TNRC18: variants seen among roughly 807,000 people sequenced by gnomAD.
TNRC18 encodes the protein trinucleotide repeat-containing gene 18 protein.
TNRC18 carries 69 observed loss-of-function variants against 226.7 expected under a neutral mutation model. That is an observed-to-expected ratio of 0.30 (90% CI 0.25 to 0.37). TNRC18 has a LOEUF of 0.37. TNRC18 is among the 10% of genes least tolerant of loss of function. The pLI, the probability that TNRC18 is intolerant of heterozygous loss-of-function variation, is 1.00. For synonymous variants in TNRC18, 2,449 were observed against 1,927.6 expected, an observed-to-expected ratio of 1.27 and a Z score of -7.09; for missense variants, 4,754 against 4,256.6, an observed-to-expected ratio of 1.12 and a Z score of -3.25.
chr7:5,338,687 A>G (rs192441421), intron 18 of TNRC18, among the ~76,000 whole-genome samples: 1 of 151,400 alleles, frequency 6.6e-6, no homozygotes, highest in Non-Finnish European at 1.5e-5. Flanking sequence ...TTGGGAGGCC[A>G]AGGCAGGCAG....
chr7:5,413,572 C>G (rs1370097706), intron 2 of TNRC18, among the ~76,000 whole-genome samples: 1 of 152,224 alleles, frequency 6.6e-6, no homozygotes, highest in African/African-American at 2.4e-5. Flanking sequence ...GTTGCCCAGA[C>G]CACTGTGAGT....
chr7:5,383,629 C>T (rs1378709123), intron 5 of TNRC18, among the ~76,000 whole-genome samples: 11 of 152,226 alleles, frequency 7.2e-5, no homozygotes, highest in Admixed American at 7.2e-4. Flanking sequence ...AGTGTGACAA[C>T]CCGACTGTCC....
At position 5,315,987 on chromosome 7, in the gene TNRC18, G is replaced by T; in HGVS notation, c.6831C>A (p.Ile2277=). ...GDTGRIPLSH[I]RLLPPDYKIQ... Reference sequence around the variant, plus strand: ...TCTTATAGTCAGGGGGCAGGAGGCGGATATGTGAGAGGGGGATCCTGCCCG... The same window carrying T: ...TCTTATAGTCAGGGGGCAGGAGGCGTATATGTGAGAGGGGGATCCTGCCCG... The change falls in exon 25 of 30, where the codon ATC becomes ATA. Residue 2277 remains isoleucine, a synonymous_variant. Coordinates refer to ENST00000430969, the MANE Select transcript of TNRC18 (RefSeq NM_001080495.3). The T allele has an allele frequency of 6.2e-7, 1 of 1,600,444 alleles. No homozygotes were observed. Among genetic ancestry groups the T allele is most frequent in the Non-Finnish European group, 8.5e-7 (1 of 1,173,988 alleles).
chr7:5,370,341 G>A lies in TNRC18; in HGVS notation c.4219+34C>T, dbSNP rs1025144931. 31 of 1,516,328 alleles carry A rather than the reference G, an allele frequency of 2.0e-5. No homozygotes were observed. In the African/African-American group the frequency reaches 2.6e-4, roughly 13 times the overall value. The allele number at this position is 1,516,328 out of a possible 1,614,324, so 93.9% of individuals were successfully genotyped here. A position where few individuals can be genotyped will look rare whatever the true frequency, so the allele number is the denominator to read the frequency against. Reference sequence around the variant, plus strand: ...CCATCACCACAAAACTAAAACTCACGAATCTGCAGAACTCAGAGGTCGCGC... The same window carrying A: ...CCATCACCACAAAACTAAAACTCACAAATCTGCAGAACTCAGAGGTCGCGC... On this transcript the variant is annotated intron_variant, in intron 11 of 29. Coordinates refer to ENST00000430969, the MANE Select transcript of TNRC18 (RefSeq NM_001080495.3).
chr7:5,402,467 G>A (rs1368919553), intron 2 of TNRC18, among the ~76,000 whole-genome samples: 4 of 151,720 alleles, frequency 2.6e-5, no homozygotes, highest in South Asian at 4.2e-4. Context: ...CCCAGGAGGC[G>A]GAGGTCGCAG....
rs902642110 is a variant in TNRC18, at chr7:5,378,424, A to T, written c.2153-400T>A. 3.4e-3 allele frequency among the ~76,000 whole-genome samples: 501 copies of T among 145,224 alleles called. 3 individuals carry two copies. Among genetic ancestry groups the T allele is most frequent in the Middle Eastern group, 3.7e-3 (1 of 272 alleles). On this transcript the variant is annotated intron_variant, in intron 5 of 29. Transcript: ENST00000430969. Reference sequence around the variant, plus strand: ...TATTTTATTTTATTTTTATTTATTTATTTTTTTTTTTTGAGATGGAGTCTC... The same window carrying T: ...TATTTTATTTTATTTTTATTTATTTTTTTTTTTTTTTTGAGATGGAGTCTC...
chr7:5,408,794 C>CCCT (rs1297002741), intron 2 of TNRC18, among the ~76,000 whole-genome samples: 1 of 152,140 alleles, frequency 6.6e-6, no homozygotes, highest in Non-Finnish European at 1.5e-5. Context: ...AATCCAGAGA[C>CCCT]CCTAGTACCT....
At chr7:5,405,930 A>G (rs888055608) in intron 2 of TNRC18, among the ~76,000 whole-genome samples, 5 of 152,180 alleles carry the variant, frequency 3.3e-5, no homozygotes, top group African/African-American at 1.2e-4. Context: ...AAGTATGCAG[A>G]CGTTGAAATC....
At chr7:5,346,713 G>C (rs1354864691) in intron 17 of TNRC18, among the ~76,000 whole-genome samples, 3 of 152,188 alleles carry the variant, frequency 2.0e-5, no homozygotes, top group South Asian at 4.1e-4. Flanking sequence ...GGGAGGCTGG[G>C]CAAGTCCTCG....
intron 14 of TNRC18, among the ~76,000 whole-genome samples, chr7:5,359,938 A>G (rs11765570): frequency 0.071 from 10,780 of 152,216 alleles, 482 homozygotes; most frequent in South Asian, 0.14. Context: ...GGGGGAGTTC[A>G]GAACACAAGT....
intron 24 of TNRC18, among the ~76,000 whole-genome samples, chr7:5,318,466 A>T (rs958190300): frequency 6.6e-6 from 1 of 152,222 alleles, no homozygotes; most frequent in African/African-American, 2.4e-5. Context: ...GGGGCCATGG[A>T]ACTAGCCCAA....
chr7:5,324,536 A>G lies in TNRC18; in HGVS notation c.6301-181T>C, dbSNP rs148280348. ...AGGGGGAAGGTGAAATGGGCCCAAAACCCAGCTGGCCCATGCTCAGTACTC... is the reference window on the plus strand; with the variant it reads ...AGGGGGAAGGTGAAATGGGCCCAAAGCCCAGCTGGCCCATGCTCAGTACTC... On this transcript the variant is annotated intron_variant, in intron 20 of 29. Transcript: ENST00000430969. The surrounding 1 kb of genome is among the most constrained non-coding windows in gnomAD (Gnocchi z 4.8). Among the ~76,000 whole-genome samples the G allele has an allele frequency of 5.0e-3, 759 of 151,912 alleles. 4 individuals carry two copies. Among genetic ancestry groups the G allele is most frequent in the African/African-American group, 0.018 (726 of 41,404 alleles).
intron 15 of TNRC18, among the ~76,000 whole-genome samples, chr7:5,359,092 G>C (rs749054813): frequency 1.3e-5 from 2 of 152,124 alleles, no homozygotes; most frequent in Non-Finnish European, 2.9e-5. Flanking sequence ...TGTATTACTT[G>C]GTTAAGAACT....
At position 5,376,055 on chromosome 7, in the gene TNRC18, C is replaced by T. The variant is rs567279537; in HGVS notation, c.2778G>A (p.Leu926=). ...LQQQAAQALE[L]QRSAQLVQER... The stretch of plus-strand genomic sequence containing the variant: ...TTACCACGAGCTGGGCGCTCCTCTG[C>T]AGTTCCAAGGCCTGGGCCGCCTGCT... The change falls in exon 9 of 30, where the codon CTG becomes CTA. Residue 926 remains leucine (L), a synonymous_variant. Coordinates refer to ENST00000430969, the MANE Select transcript of TNRC18 (RefSeq NM_001080495.3). 25 of 1,596,086 alleles carry T rather than the reference C, an allele frequency of 1.6e-5. No individual in the cohort carries two copies. In the African/African-American group the frequency reaches 2.8e-4, roughly 18 times the overall value.
chr7:5,375,203 G>A (rs1167435105), intron 9 of TNRC18, among the ~76,000 whole-genome samples: 2 of 152,168 alleles, frequency 1.3e-5, no homozygotes, highest in Non-Finnish European at 2.9e-5. Flanking sequence ...CAGCTACTCG[G>A]GAGGCTGAGG....
intron 11 of TNRC18, among the ~76,000 whole-genome samples, chr7:5,364,801 C>T (rs1364533521): frequency 1.9e-5 from 2 of 103,274 alleles, no homozygotes; most frequent in Non-Finnish European, 3.9e-5. Flanking sequence ...GAGGCTGTCT[C>T]AGGAAAAAAA....
intron 5 of TNRC18, among the ~76,000 whole-genome samples, chr7:5,381,917 G>A (rs954916740): frequency 3.3e-5 from 5 of 152,098 alleles, no homozygotes; most frequent in Non-Finnish European, 7.3e-5. Context: ...AGTGAGCCAA[G>A]ATCACAGCAC....
intron 5 of TNRC18, among the ~76,000 whole-genome samples, chr7:5,379,067 C>A (rs1779210842): frequency 6.6e-6 from 1 of 151,892 alleles, no homozygotes; most frequent in South Asian, 2.1e-4. Flanking sequence ...CGTGGTGGTG[C>A]GCACCTGTGA....
rs1040981756 is a variant in TNRC18, at chr7:5,309,762, G to A, written c.8389-394C>T. Among the ~76,000 whole-genome samples the A allele has an allele frequency of 2.6e-5, 4 of 152,104 alleles. No homozygotes were observed. Among genetic ancestry groups the A allele is most frequent in the Admixed American group, 6.6e-5 (1 of 15,252 alleles). On this transcript the variant is annotated intron_variant, in intron 27 of 29. Transcript: ENST00000430969. This position sits in a 1 kb window ranked among gnomAD's most constrained non-coding sequence, Gnocchi z 5.7. ...GAGAATACAGGCGCACACCACGCCCGGCTAATTTTGATTATTTTTGTAGAG... is the reference window on the plus strand; with the variant it reads ...GAGAATACAGGCGCACACCACGCCCAGCTAATTTTGATTATTTTTGTAGAG...
Sources: gnomAD v4.1 joint callset for allele counts (sites outside exome capture counted in the v4.1 genomes callset) on GRCh38, gnomAD v4.1.1 for gene constraint, Gnocchi (gnomAD v3.1) non-coding constraint, MANE v1.5 for transcripts, NCBI Gene and HGNC (gene_info 2026-07-23, HGNC 2026-07-21) for gene names.